NLRP9: variants seen among roughly 807,000 people sequenced by gnomAD.
The protein encoded by NLRP9 is NLR family pyrin domain containing 9, also known as NACHT, LRR and PYD domains-containing protein 9.
Under a neutral mutation model 83.1 loss-of-function variants are expected in NLRP9, and 88 were observed. The ratio of observed to expected loss-of-function variants is 1.06; its 90% CI spans 0.89 to 1.26. NLRP9 has a LOEUF of 1.26. NLRP9 is among the 50% of genes most tolerant of loss of function. The pLI, the probability that NLRP9 is intolerant of heterozygous loss-of-function variation, is 0.00. For synonymous variants in NLRP9, 521 were observed against 447.6 expected, an observed-to-expected ratio of 1.16 and a Z score of -2.07; for missense variants, 1,308 against 1,179.3, an observed-to-expected ratio of 1.11 and a Z score of -1.60.
rs536764031 is a variant in NLRP9 at position 55,708,692 on chromosome 19, T to C, written c.*220A>G. On this transcript the variant is annotated 3_prime_UTR_variant, in exon 9 of 9. Coordinates refer to ENST00000332836, the MANE Select transcript of NLRP9 (RefSeq NM_176820.4). ...TGCTTCTAAATATCACAAGGCAGGA[T>C]GGGATTTCTAAAGACAAGGGGATAT... 4.4e-4 allele frequency: 167 copies of C among 383,088 alleles called. No individual in the cohort carries two copies. The highest frequency in any genetic ancestry group is 2.9e-3 in the African/African-American group (142 of 48,436). The allele number at this position is 383,088 out of a possible 1,614,324, so 23.7% of individuals were successfully genotyped here.
At chr19:55,717,699 G>A (rs957741440) in intron 4 of NLRP9, among the ~76,000 whole-genome samples, 1 of 152,186 alleles carries the variant, frequency 6.6e-6, no homozygotes, top group African/African-American at 2.4e-5. Flanking sequence ...CGGGAGGGCA[G>A]CTCTTTTGCA....
chr19:55,733,437 A>G lies in NLRP9; in HGVS notation c.394T>C (p.Tyr132His). ...HFYKETMKNE[Y>H]KELNDAYTAA... ...GTATATGCGTCATTCAATTCTTTATACTCATTTTTCATGGTTTCTTTGTAG... is the reference window on the plus strand; with the variant it reads ...GTATATGCGTCATTCAATTCTTTATGCTCATTTTTCATGGTTTCTTTGTAG... Residue 132 changes from tyrosine (Y) to histidine (H), a missense_variant, in exon 2 of 9, where the codon TAT (tyrosine) becomes CAT (histidine). Physicochemically the swap from Tyr to His is moderately conservative, Grantham distance 83. Coordinates refer to ENST00000332836, the MANE Select transcript of NLRP9 (RefSeq NM_176820.4). 6.2e-7 allele frequency: 1 copy of G among 1,613,636 alleles called. No homozygotes were observed. The highest frequency in any genetic ancestry group is 1.1e-5 in the South Asian group (1 of 91,056).
At chr19:55,709,783 T>C (rs1987631146) in intron 8 of NLRP9, 2 of 152,240 alleles carry the variant, frequency 1.3e-5, no homozygotes, top group South Asian at 2.1e-4. Flanking sequence ...TCTTGCTTTA[T>C]ACGTTGAATC....
At chr19:55,713,224 A>G (rs996267375) in intron 6 of NLRP9, among the ~76,000 whole-genome samples, 11 of 151,152 alleles carry the variant, frequency 7.3e-5, no homozygotes, top group Admixed American at 2.0e-4. Flanking sequence ...TATTTTGTAT[A>G]TCATGTGTCC....
At chr19:55,709,167 T>G (rs35261212) in intron 8 of NLRP9, 123 bp from the exon 9 acceptor site, 12,737 of 636,218 alleles carry the variant, frequency 0.02, 183 homozygotes, top group Non-Finnish European at 0.025. Context: ...CTGGGAGAAT[T>G]GTACTGAATT....
In NLRP9 at chr19:55,715,172, AG is replaced by A; in HGVS notation, c.2383del (p.Leu795SerfsTer29). 6.2e-7 allele frequency: 1 copy of A among 1,613,452 alleles called. No homozygotes were observed. On this transcript the variant is annotated frameshift_variant, in exon 6 of 9. Transcript: ENST00000332836. LOFTEE classifies it high-confidence loss of function. ...SVSCDSISEV[L>X]LCSKSLSLLD... is the part of the protein sequence containing the mutation. ...GAGGGACAGGGACTTACTGCACAAGAGGACTTCGGAAATGGAGTCACAGGAG... is the reference window on the plus strand; with the variant it reads ...GAGGGACAGGGACTTACTGCACAAGAGACTTCGGAAATGGAGTCACAGGAG...
chr19:55,725,267 T>C (rs925564384), intron 3 of NLRP9, among the ~76,000 whole-genome samples: 15 of 152,320 alleles, frequency 9.8e-5, no homozygotes, highest in African/African-American at 3.4e-4. Context: ...ACAAAATTTA[T>C]GTATAAACCA....
chr19:55,715,106 G>T lies in NLRP9; in HGVS notation c.2450C>A (p.Ala817Glu). The T allele has an allele frequency of 6.2e-7, 1 of 1,613,082 alleles. No homozygotes were observed. The highest frequency in any genetic ancestry group is 8.5e-7 in the Non-Finnish European group (1 of 1,179,852). The change falls in exon 6 of 9, where the codon GCA (alanine) becomes GAA (glutamate). Residue 817 changes from alanine (A) to glutamate (E), a missense_variant. Transcript: ENST00000332836. The part of the protein sequence containing the change: ...GSNALEDNGV[A>E]SLCAALKHPG... ...GTGCTTCAGCGCTGCACACAGAGAT[G>T]CCACTCCATTATCTTCCAGGGCATT...
At chr19:55,711,774 C>T in intron 8 of NLRP9, 26 bp downstream of exon 8, 1 of 1,609,072 alleles carries the variant, frequency 6.2e-7, no homozygotes, top group South Asian at 1.1e-5. Context: ...AAGTCACTCA[C>T]CCCAAAGGAA....
At position 55,711,941 on chromosome 19, in the gene NLRP9, C is replaced by G; in HGVS notation, c.2702G>C (p.Cys901Ser). 6.2e-7 allele frequency: 1 copy of G among 1,613,104 alleles called. No homozygotes were observed. Among genetic ancestry groups the G allele is most frequent in the Non-Finnish European group, 8.5e-7 (1 of 1,179,946 alleles). The change falls in exon 8 of 9, where the codon TGC (cysteine) becomes TCC (serine). Residue 901 changes from cysteine to serine, a missense_variant. Physicochemically the swap from Cys to Ser is moderately radical, Grantham distance 112. Transcript: ENST00000332836. ...GAGTGCTGCGGCGATGTCGTCGCAG[C>G]AGGCACGGGTGATCGGACACGTTTG... ...GLQTCPITRACCDDIAAALIA... is the reference protein window; with the variant it reads ...GLQTCPITRASCDDIAAALIA...
At chr19:55,733,936 T>C (rs1988692921) in intron 1 of NLRP9, among the ~76,000 whole-genome samples, 1 of 145,764 alleles carries the variant, frequency 6.9e-6, no homozygotes, top group African/African-American at 2.7e-5. Context: ...TTTTTTTTTT[T>C]TTTTGAGACG....
chr19:55,732,764 T>A lies in NLRP9; in HGVS notation c.1067A>T (p.Asp356Val). 6.2e-7 allele frequency: 1 copy of A among 1,614,134 alleles called. No individual in the cohort carries two copies. The highest frequency in any genetic ancestry group is 8.5e-7 in the Non-Finnish European group (1 of 1,180,020). Residue 356 changes from aspartate (D) to valine (V), a missense_variant, in exon 2 of 9, where the codon GAC (aspartate) becomes GTC (valine). Asp to Val is a radical substitution (Grantham distance 152, BLOSUM62 -3). Transcript: ENST00000332836. ...GGTGTTTTGGGAGTTTATTTCAAGG[T>A]CTTCTCCCCTCTCTAGCCTCTGTTT... The part of the protein sequence containing the change: ...CVKQRLERGE[D>V]LEINSQNTTY...
At chr19:55,737,203 G>A (rs1451989044) in intron 1 of NLRP9, 1 of 152,136 alleles carries the variant, frequency 6.6e-6, no homozygotes, top group Non-Finnish European at 1.5e-5. Flanking sequence ...TGGGAACACT[G>A]TTTTGTCCAG....
Position 55,733,396 on chromosome 19 carries a change from T to C in NLRP9, c.435A>G (p.Arg145=), listed in dbSNP as rs528245176. ...CAGGACCTTCCAGGACCACAGTGTG[T>C]CGTCTAGCCGCAGCAGTATATGCGT... ...LNDAYTAAAR[R]HTVVLEGPDG... Residue 145 remains arginine (R), a synonymous_variant, in exon 2 of 9, where the codon CGA becomes CGG. Coordinates refer to ENST00000332836, the MANE Select transcript of NLRP9 (RefSeq NM_176820.4). 1 of 1,614,180 alleles carries C rather than the reference T, an allele frequency of 6.2e-7. No individual in the cohort carries two copies. Among genetic ancestry groups the C allele is most frequent in the East Asian group, 2.2e-5 (1 of 44,888 alleles).
intron 4 of NLRP9, among the ~76,000 whole-genome samples, chr19:55,723,161 A>C (rs574609364): frequency 3.9e-5 from 6 of 152,252 alleles, no homozygotes; most frequent in Admixed American, 2.0e-4. Context: ...TAATAATAGA[A>C]AAAGAAAGAT....
rs764065038 is a variant in NLRP9, at chr19:55,731,959, A to G, written c.1832+40T>C. 2.7e-5 allele frequency: 36 copies of G among 1,323,262 alleles called. No individual in the cohort carries two copies. In the East Asian group the frequency reaches 7.6e-4, roughly 28 times the overall value. The allele number at this position is 1,323,262 out of a possible 1,614,324, so 82.0% of individuals were successfully genotyped here. A position where few individuals can be genotyped will look rare whatever the true frequency, so the allele number is the denominator to read the frequency against. On this transcript the variant is annotated intron_variant, in intron 2 of 8. Transcript: ENST00000332836. The stretch of plus-strand genomic sequence containing the variant: ...CCACAGGCCACTAGAGCAAACTCCA[A>G]GTGTAGTGTGTGGGACGGGGGATTA...
intron 4 of NLRP9, among the ~76,000 whole-genome samples, chr19:55,717,610 A>T (rs1395718907): frequency 6.6e-6 from 1 of 152,224 alleles, no homozygotes; most frequent in Non-Finnish European, 1.5e-5. Context: ...CAATAGCACT[A>T]CAAGAAATAG....
intron 3 of NLRP9, among the ~76,000 whole-genome samples, chr19:55,729,054 T>C (rs956760250): frequency 4.4e-5 from 6 of 137,820 alleles, no homozygotes; most frequent in East Asian, 2.1e-4. Flanking sequence ...CTTTTTCTTT[T>C]TTTTTTTTTT....
intron 8 of NLRP9, among the ~76,000 whole-genome samples, chr19:55,710,911 C>G (rs1288164446): frequency 1.3e-5 from 2 of 152,048 alleles, no homozygotes; most frequent in Non-Finnish European, 2.9e-5. Context: ...CATGGTGAAA[C>G]CCCGTCTCTA....
Sources: gnomAD v4.1 joint callset for allele counts (sites outside exome capture counted in the v4.1 genomes callset) on GRCh38, gnomAD v4.1.1 for gene constraint, MANE v1.5 for transcripts, NCBI Gene and HGNC (gene_info 2026-07-23, HGNC 2026-07-21) for gene names.